RHOT1: variants seen among roughly 807,000 people sequenced by gnomAD.
RHOT1 encodes the protein mitochondrial Rho GTPase 1.
In RHOT1, 27 loss-of-function variants were observed where a neutral mutation model predicts 95.3. The observed-to-expected ratio is 0.28, with a 90% CI of 0.21 to 0.39. RHOT1 has a LOEUF of 0.39. Among genes scored for constraint, RHOT1 ranks in the 10% least tolerant of loss-of-function variants. RHOT1 has a pLI of 1.00. For missense variants in RHOT1, 578 were observed against 786.7 expected (o/e 0.73, Z 3.17); for synonymous variants, 227 against 263.5 (o/e 0.86, Z 1.34).
At chr17:32,178,294 T>A (rs1018952140) in intron 6 of RHOT1, among the ~76,000 whole-genome samples, 4 of 144,376 alleles carry the variant, frequency 2.8e-5, no homozygotes, top group African/African-American at 9.9e-5. Context: ...CGGGCTCCCA[T>A]GATTCTCCTG....
chr17:32,164,997 A>G (rs934484091), intron 1 of RHOT1, among the ~76,000 whole-genome samples: 4 of 151,164 alleles, frequency 2.6e-5, no homozygotes, highest in African/African-American at 9.7e-5. Context: ...CCTCTCTACT[A>G]ACAACAACAA....
chr17:32,209,000 A>G (rs2037945588), intron 18 of RHOT1: 1 of 156,466 alleles, frequency 6.4e-6, no homozygotes, highest in African/African-American at 2.4e-5. Flanking sequence ...TTGTAACAAA[A>G]TAGTTTTTCA....
chr17:32,182,818 A>G lies in RHOT1; in HGVS notation c.391A>G (p.Ile131Val). ...DLVEYSSMET[I>V]LPIMNQYTEI... ...GGTGGAATATAGTAGTATGGAGACC[A>G]TCCTTCCTATTATGAACCAGTATAC... The change falls in exon 7 of 20, where the codon ATC becomes GTC. Residue 131 changes from isoleucine to valine, a missense_variant. Ile to Val is a conservative substitution (Grantham distance 29). Around this residue, in one of 4 missense-constraint regions of RHOT1, gnomAD observed 227 missense variants for 316.0 expected, o/e 0.72. Coordinates refer to ENST00000545287, the MANE Select transcript of RHOT1 (RefSeq NM_001033566.3). 2 of 1,607,242 alleles carry G rather than the reference A, an allele frequency of 1.2e-6. No individual in the cohort carries two copies. Among genetic ancestry groups the G allele is most frequent in the East Asian group, 2.2e-5 (1 of 44,748 alleles).
chr17:32,176,864 C>A (rs1028728381), intron 6 of RHOT1, among the ~76,000 whole-genome samples: 3 of 152,114 alleles, frequency 2.0e-5, no homozygotes, highest in Non-Finnish European at 4.4e-5. Context: ...AGCTACTGTG[C>A]CTGGCCTGAA....
intron 1 of RHOT1, among the ~76,000 whole-genome samples, chr17:32,165,349 A>C (rs1180099826): frequency 1.1e-3 from 171 of 150,446 alleles, no homozygotes; most frequent in African/African-American, 4.0e-3. Flanking sequence ...AAAAAAAAAA[A>C]AAAAAAAAAA....
rs2038107040 is a variant in RHOT1 at position 32,211,157 on chromosome 17, C to T, written c.1781C>T (p.Thr594Ile). Residue 594 changes from threonine to isoleucine, a missense_variant, in exon 19 of 20, where the codon ACA becomes ATA. By Grantham distance (89) the Thr-to-Ile change is moderately conservative (BLOSUM62 -1). Around this residue, in one of 4 missense-constraint regions of RHOT1, gnomAD observed 296 missense variants for 338.5 expected, o/e 0.87. Transcript: ENST00000545287. ...LRCMCTCNRC[T>I]FCICQNFLNS... ...TGTATGTGCACCTGCAACAGGTGTA[C>T]ATTTTGCATCTGTCAGAACTTCCTC... The T allele has an allele frequency of 6.2e-7, 1 of 1,611,878 alleles. No homozygotes were observed. The highest frequency in any genetic ancestry group is 1.3e-5 in the African/African-American group (1 of 74,994).
At chr17:32,197,118 A>G (rs2036947497) in intron 11 of RHOT1, among the ~76,000 whole-genome samples, 1 of 151,014 alleles carries the variant, frequency 6.6e-6, no homozygotes, top group Non-Finnish European at 1.5e-5. Flanking sequence ...GTGAGATTCC[A>G]TCTCAAATAA....
In RHOT1 at chr17:32,225,244, A is replaced by G. The variant is rs1055820419; in HGVS notation, c.*511A>G. On this transcript the variant is annotated 3_prime_UTR_variant, in exon 20 of 20. Coordinates refer to ENST00000545287, the MANE Select transcript of RHOT1 (RefSeq NM_001033566.3). ...ACATACAAGTCAGTGTCAGCTTACC[A>G]ACATGACATTTTTTCAGTCAGTTGT... The G allele has an allele frequency of 6.5e-6, 1 of 153,804 alleles. No individual in the cohort carries two copies. The highest frequency in any genetic ancestry group is 1.9e-4 in the East Asian group (1 of 5,206). The allele number at this position is 153,804 out of a possible 1,614,324, so 9.5% of individuals were successfully genotyped here. A position where few individuals can be genotyped will look rare whatever the true frequency, so the allele number is the denominator to read the frequency against.
At chr17:32,207,642 A>G (rs1005982043) in intron 17 of RHOT1, 1 of 153,388 alleles carries the variant, frequency 6.5e-6, no homozygotes, top group Non-Finnish European at 1.5e-5. Context: ...AATTAAAAAT[A>G]GTTTTGAATT....
chr17:32,194,254 G>A, intron 11 of RHOT1, 147 bp downstream of exon 11: 2 of 754,352 alleles, frequency 2.7e-6, no homozygotes, highest in Non-Finnish European at 4.4e-6. Context: ...TAAAGGCATT[G>A]AGCCATGCCC....
intron 1 of RHOT1, among the ~76,000 whole-genome samples, chr17:32,164,605 CCTGTAGTCCCAG>C (rs1222767502): frequency 6.6e-6 from 1 of 152,126 alleles, no homozygotes; most frequent in Non-Finnish European, 1.5e-5. Context: ...GTGGCTTACA[CCTGTAGTCCCAG>C]CACTTTGGGA....
intron 19 of RHOT1, among the ~76,000 whole-genome samples, chr17:32,219,223 A>G (rs2038674815): frequency 6.6e-6 from 1 of 152,190 alleles, no homozygotes; most frequent in African/African-American, 2.4e-5. Context: ...GCTTCTTTTC[A>G]GTATTTTCTA....
chr17:32,195,621 T>G (rs1031155491), intron 11 of RHOT1, among the ~76,000 whole-genome samples: 1 of 152,202 alleles, frequency 6.6e-6, no homozygotes, highest in African/African-American at 2.4e-5. Context: ...ACCTTCATAG[T>G]GCTCTTTTAT....
chr17:32,202,328 G>A (rs528893475), intron 14 of RHOT1, among the ~76,000 whole-genome samples: 36 of 152,226 alleles, frequency 2.4e-4, no homozygotes, highest in East Asian at 5.8e-4. Flanking sequence ...CAAAGTGTGT[G>A]TCCCTTTCCG....
At position 32,162,586 on chromosome 17, in the gene RHOT1, C is replaced by G. The variant is rs183536304; in HGVS notation, c.38-8457C>G. Reference sequence around the variant, plus strand: ...GGACCAGTTTCGTTAGTGGTGATGTCGAAAATAACAGCAGTACCACTGTGC... The same window carrying G: ...GGACCAGTTTCGTTAGTGGTGATGTGGAAAATAACAGCAGTACCACTGTGC... On this transcript the variant is annotated intron_variant, in intron 1 of 19. Coordinates refer to ENST00000545287, the MANE Select transcript of RHOT1 (RefSeq NM_001033566.3). Among the ~76,000 whole-genome samples the G allele has an allele frequency of 1.3e-5, 2 of 152,068 alleles. 1 individual carries two copies. The highest frequency in any genetic ancestry group is 2.9e-5 in the Non-Finnish European group (2 of 68,018).
At chr17:32,172,222 A>T (rs957125256) in intron 2 of RHOT1, among the ~76,000 whole-genome samples, 1 of 152,078 alleles carries the variant, frequency 6.6e-6, no homozygotes, top group Non-Finnish European at 1.5e-5. Flanking sequence ...ATTTATTATT[A>T]TTTTTTGCTT....
At chr17:32,220,256 T>C (rs114856122) in intron 19 of RHOT1, among the ~76,000 whole-genome samples, 1,619 of 152,222 alleles carry the variant, frequency 0.011, 28 homozygotes, top group African/African-American at 0.037. Flanking sequence ...CAGCTACTTA[T>C]GTGGCTAAAG....
intron 1 of RHOT1, chr17:32,151,233 C>G: frequency 1.4e-6 from 1 of 732,830 alleles, no homozygotes; most frequent in Non-Finnish European, 2.6e-6. Flanking sequence ...GCTTCTAGTT[C>G]TTTATACTGT....
intron 1 of RHOT1, among the ~76,000 whole-genome samples, chr17:32,143,835 G>A (rs900754783): frequency 3.3e-5 from 5 of 152,158 alleles, no homozygotes; most frequent in Non-Finnish European, 7.3e-5. Context: ...TTCATTCTTG[G>A]TAACCCCTCA....
Sources: gnomAD v4.1 joint callset for allele counts (sites outside exome capture counted in the v4.1 genomes callset) on GRCh38, gnomAD v4.1.1 for gene constraint, gnomAD v4.1.1 regional missense constraint, MANE v1.5 for transcripts, NCBI Gene and HGNC (gene_info 2026-07-23, HGNC 2026-07-21) for gene names.